CHD2: variants seen among roughly 807,000 people sequenced by gnomAD.
The protein encoded by CHD2 is chromodomain helicase DNA binding protein 2.
Under a neutral mutation model 243.9 loss-of-function variants are expected in CHD2, and 28 were observed. The observed-to-expected ratio is 0.11, with a 90% CI of 0.09 to 0.16. The LOEUF (loss-of-function observed/expected upper bound fraction) is 0.16, where lower values mean the gene tolerates loss of function less well. CHD2 is among the 10% of genes least tolerant of loss of function. The probability of loss-of-function intolerance (pLI) is 1.00; values close to 1 mark genes in which losing one functional copy is unlikely to be tolerated. For synonymous variants in CHD2, 775 were observed against 779.0 expected (o/e 0.99, Z 0.09); for missense variants, 1,386 against 2,209.8 (o/e 0.63, Z 7.47).
intron 15 of CHD2, 80 bp from the exon 16 acceptor site, chr15:92,956,379 T>C: frequency 1.0e-6 from 1 of 977,682 alleles, no homozygotes; most frequent in Non-Finnish European, 1.6e-6. Flanking sequence ...ATGGTATTTA[T>C]ACAGAGATAA....
chr15:93,024,347 A>C, intron 38 of CHD2, 25 bp from the exon 39 acceptor site: 1 of 1,597,246 alleles, frequency 6.3e-7, no homozygotes, highest in East Asian at 2.2e-5. Flanking sequence ...CAGTCTTTCG[A>C]CTAATCCTTG....
In CHD2 at chr15:92,997,912, G is replaced by A. The variant is rs2054206779; in HGVS notation, c.3885+509G>A. 1 of 155,098 alleles carries A rather than the reference G, an allele frequency of 6.4e-6. No individual in the cohort carries two copies. The highest frequency in any genetic ancestry group is 2.0e-4 in the South Asian group (1 of 5,042). 9.6% of individuals were successfully genotyped at this position (155,098 alleles called of 1,614,324 possible). A position where few individuals can be genotyped will look rare whatever the true frequency, so the allele number is the denominator to read the frequency against. Reference sequence around the variant, plus strand: ...GTTGGAGCTATAAGCAGGGAAGGCTGACTGGCTCAAATTTTGGTAGGATTT... The same window carrying A: ...GTTGGAGCTATAAGCAGGGAAGGCTAACTGGCTCAAATTTTGGTAGGATTT... On this transcript the variant is annotated intron_variant, in intron 30 of 38. Transcript: ENST00000394196. This position sits in a 1 kb window ranked among gnomAD's most constrained non-coding sequence, Gnocchi z 4.1.
chr15:92,945,686 C>CTATAA, intron 10 of CHD2, 135 bp from the exon 11 acceptor site: 1 of 547,868 alleles, frequency 1.8e-6, no homozygotes, highest in Middle Eastern at 5.3e-4. Context: ...GCGTGAGCCA[C>CTATAA]TATAATCCCA....
intron 37 of CHD2, among the ~76,000 whole-genome samples, chr15:93,015,634 T>C (rs1441352580): frequency 1.3e-5 from 2 of 150,330 alleles, no homozygotes; most frequent in Non-Finnish European, 2.9e-5. Flanking sequence ...ATATCCAAAC[T>C]GTGTAAGGAA....
At chr15:93,002,050 T>C in intron 32 of CHD2, 127 bp from the exon 33 acceptor site, 1 of 1,273,494 alleles carries the variant, frequency 7.9e-7, no homozygotes, top group Non-Finnish European at 1.1e-6. Context: ...TGAGGCTATT[T>C]GCTTGAAAAC....
At chr15:93,011,069 T>C (rs2054387834) in intron 35 of CHD2, among the ~76,000 whole-genome samples, 1 of 151,952 alleles carries the variant, frequency 6.6e-6, no homozygotes, top group South Asian at 2.1e-4. Flanking sequence ...TAGCGGCATC[T>C]GGCCTTTTTT....
At chr15:93,008,282 C>T (rs556182795) in intron 34 of CHD2, among the ~76,000 whole-genome samples, 2 of 152,318 alleles carry the variant, frequency 1.3e-5, no homozygotes, top group African/African-American at 4.8e-5. Flanking sequence ...GTGGGCTCAG[C>T]CCTCATCTGT....
rs1193942828 is a variant in CHD2 at position 92,972,665 on chromosome 15, A to C, written c.2505+248A>C. 3.8e-4 allele frequency among the ~76,000 whole-genome samples: 6 copies of C among 15,654 alleles called. 2 individuals carry two copies. The highest frequency in any genetic ancestry group is 1.2e-3 in the Non-Finnish European group (5 of 4,002). The allele number at this position is 15,654 out of a possible 152,430, so 10.3% of individuals were successfully genotyped here. On this transcript the variant is annotated intron_variant, in intron 19 of 38. Transcript: ENST00000394196. ...AGGAGATCAAGACCATCCCGGCTAAAACGGTGAAACCCCGTCTCTACTAAA... is the reference window on the plus strand; with the variant it reads ...AGGAGATCAAGACCATCCCGGCTAACACGGTGAAACCCCGTCTCTACTAAA...
chr15:93,016,850 T>TTTGATTAGAAA (rs1227306734), intron 37 of CHD2, among the ~76,000 whole-genome samples: 4 of 149,912 alleles, frequency 2.7e-5, no homozygotes, highest in Non-Finnish European at 5.9e-5. Context: ...ATTTTGGAAA[T>TTTGATTAGAAA]TTGATTAGAA....
chr15:92,979,081 T>A (rs1032618578), intron 21 of CHD2, 54 bp from the exon 22 acceptor site: 1 of 1,580,012 alleles, frequency 6.3e-7, no homozygotes, highest in Non-Finnish European at 8.6e-7. Flanking sequence ...TCTCTTTTTT[T>A]GGGGGGGTTG....
chr15:92,964,446 C>T (rs2053729277), intron 16 of CHD2, among the ~76,000 whole-genome samples: 1 of 152,144 alleles, frequency 6.6e-6, no homozygotes, highest in South Asian at 2.1e-4. Context: ...TACCTTAGGA[C>T]TCTACAGAGC....
chr15:92,956,664 G>C lies in CHD2; in HGVS notation c.2000+15G>C, dbSNP rs972940411. The C allele has an allele frequency of 1.3e-6, 2 of 1,593,978 alleles. No homozygotes were observed. Among genetic ancestry groups the C allele is most frequent in the Non-Finnish European group, 1.7e-6 (2 of 1,173,644 alleles). ...ATGCCGGAGAAGTAAGCTCCTTCCT[G>C]TGTATTTCAAAAGATGCTAGAATGT... On this transcript the variant is annotated intron_variant, in intron 16 of 38. Transcript: ENST00000394196.
intron 36 of CHD2, 23 bp downstream of exon 36, chr15:93,012,467 A>T: frequency 1.3e-6 from 2 of 1,494,904 alleles, no homozygotes; most frequent in Non-Finnish European, 1.8e-6. Context: ...TTCAGTCCTA[A>T]TTCATACAAA....
At chr15:92,927,982 A>G (rs2053094949) in intron 4 of CHD2, among the ~76,000 whole-genome samples, 1 of 152,094 alleles carries the variant, frequency 6.6e-6, no homozygotes, top group Admixed American at 6.6e-5. Flanking sequence ...CTTATTCTGA[A>G]TTAGGTTTAT....
intron 34 of CHD2, among the ~76,000 whole-genome samples, chr15:93,007,991 A>C (rs970471422): frequency 2.0e-4 from 30 of 152,222 alleles, no homozygotes; most frequent in African/African-American, 7.2e-4. Context: ...GTGGAGGACG[A>C]AACATGTGAT....
rs138017097 is a variant in CHD2 at position 92,911,093 on chromosome 15, C to A, written c.62+9794C>A. Among the ~76,000 whole-genome samples the A allele has an allele frequency of 1.9e-3, 282 of 152,218 alleles. 2 individuals are homozygous for A. The highest frequency in any genetic ancestry group is 6.4e-3 in the African/African-American group (265 of 41,534). ...TGACACCAGTCATTGACCTAAACTTCCTTATGTGGTGCATGATACTTGTAA... is the reference window on the plus strand; with the variant it reads ...TGACACCAGTCATTGACCTAAACTTACTTATGTGGTGCATGATACTTGTAA... On this transcript the variant is annotated intron_variant, in intron 2 of 38. Coordinates refer to ENST00000394196, the MANE Select transcript of CHD2 (RefSeq NM_001271.4).
At chr15:92,959,273 A>G (rs754407446) in intron 16 of CHD2, among the ~76,000 whole-genome samples, 1 of 152,286 alleles carries the variant, frequency 6.6e-6, no homozygotes, top group African/African-American at 2.4e-5. Context: ...GCCTTAGTTC[A>G]TGTTTTTGTA....
chr15:92,932,928 A>G (rs770484923), intron 5 of CHD2, among the ~76,000 whole-genome samples: 10 of 152,074 alleles, frequency 6.6e-5, no homozygotes, highest in Non-Finnish European at 1.2e-4. Context: ...TTTTTAATAG[A>G]CATGGGGTTT....
chr15:92,979,480 T>A (rs548864802), intron 22 of CHD2, among the ~76,000 whole-genome samples, 197 bp downstream of exon 22: 45 of 152,250 alleles, frequency 3.0e-4, no homozygotes, highest in Non-Finnish European at 5.9e-4. Flanking sequence ...TTCTTATGTG[T>A]TTTCCTCTCT....
Sources: gnomAD v4.1 joint callset for allele counts (sites outside exome capture counted in the v4.1 genomes callset) on GRCh38, gnomAD v4.1.1 for gene constraint, Gnocchi (gnomAD v3.1) non-coding constraint, MANE v1.5 for transcripts, NCBI Gene and HGNC (gene_info 2026-07-23, HGNC 2026-07-21) for gene names.